The following NBEA variants were observed in gnomAD, a reference collection of about 807,000 sequenced individuals.
The protein encoded by NBEA is neurobeachin.
Under a neutral mutation model 343.4 loss-of-function variants are expected in NBEA, and 44 were observed. The ratio of observed to expected loss-of-function variants is 0.13; its 90% CI spans 0.10 to 0.16. The LOEUF (loss-of-function observed/expected upper bound fraction) is 0.16, where lower values mean the gene tolerates loss of function less well. Ranked by LOEUF, NBEA falls within the 10% of genes least tolerant of loss-of-function variation. The pLI, the probability that NBEA is intolerant of heterozygous loss-of-function variation, is 1.00. For synonymous variants in NBEA, 1,175 were observed against 1,238.7 expected, an observed-to-expected ratio of 0.95 and a Z score of 1.08; for missense variants, 2,555 against 3,631.3, an observed-to-expected ratio of 0.70 and a Z score of 7.62.
At chr13:35,147,212 T>A (rs139876282) in intron 18 of NBEA, among the ~76,000 whole-genome samples, 1 of 152,340 alleles carries the variant, frequency 6.6e-6, no homozygotes, top group Admixed American at 6.5e-5. Context: ...CATACCATAT[T>A]CTTCAGAGTC....
At chr13:35,167,015 G>T (rs1262010633) in intron 24 of NBEA, among the ~76,000 whole-genome samples, 1 of 151,934 alleles carries the variant, frequency 6.6e-6, no homozygotes, top group East Asian at 1.9e-4. Context: ...TGAAACTAAG[G>T]TTTGAGTGAG....
chr13:35,076,124 C>T (rs2064105272), intron 10 of NBEA, among the ~76,000 whole-genome samples: 1 of 151,538 alleles, frequency 6.6e-6, no homozygotes, highest in Admixed American at 6.6e-5. Context: ...AATTTAGTTT[C>T]CAAAAACATT....
chr13:34,975,417 A>C (rs773036397), intron 1 of NBEA, among the ~76,000 whole-genome samples: 14 of 152,196 alleles, frequency 9.2e-5, no homozygotes, highest in Non-Finnish European at 1.8e-4. Flanking sequence ...CATGTAGAAG[A>C]ATGAAACTGG....
chr13:35,632,309 G>A (rs1230316736), intron 49 of NBEA, among the ~76,000 whole-genome samples: 2 of 152,108 alleles, frequency 1.3e-5, no homozygotes, highest in African/African-American at 4.8e-5. Context: ...CTAACACCTT[G>A]ATGCTCAAAT....
chr13:35,306,101 A>G (rs2036875913), intron 35 of NBEA, among the ~76,000 whole-genome samples: 1 of 152,194 alleles, frequency 6.6e-6, no homozygotes, highest in Non-Finnish European at 1.5e-5. Flanking sequence ...CAGAAGATTT[A>G]CTTTCTTCCA....
chr13:35,618,159 C>T (rs1246615150), intron 48 of NBEA, among the ~76,000 whole-genome samples: 4 of 152,100 alleles, frequency 2.6e-5, no homozygotes, highest in Non-Finnish European at 5.9e-5. Context: ...ATGAAAATGT[C>T]ATATATTCCA....
intron 1 of NBEA, among the ~76,000 whole-genome samples, chr13:35,030,845 A>C (rs946387947): frequency 6.6e-6 from 1 of 151,674 alleles, no homozygotes; most frequent in Non-Finnish European, 1.5e-5. Flanking sequence ...GATACATAGA[A>C]AGGGGCAATG....
At chr13:35,522,475 C>CAAAAAAAAAAAAAAAAAAAAAAAA (rs138270833) in intron 41 of NBEA, among the ~76,000 whole-genome samples, 1 of 42,036 alleles carries the variant, frequency 2.4e-5, no homozygotes, top group Non-Finnish European at 5.5e-5. Context: ...ATACCATCTC[C>CAAAAAAAAAAAAAAAAAAAAAAAA]AAAAAAAAAA....
chr13:35,076,961 G>A (rs74051239), intron 10 of NBEA, among the ~76,000 whole-genome samples: 5,274 of 152,020 alleles, frequency 0.035, 141 homozygotes, highest in South Asian at 0.074. Flanking sequence ...TTTATAAAGA[G>A]TATTACCACA....
chr13:35,152,276 T>C (rs1415000622), intron 18 of NBEA, among the ~76,000 whole-genome samples: 1 of 152,192 alleles, frequency 6.6e-6, no homozygotes, highest in Non-Finnish European at 1.5e-5. Context: ...TTTAAGCACT[T>C]AATAATCAAA....
At chr13:35,403,189 T>C (rs922398104) in intron 38 of NBEA, among the ~76,000 whole-genome samples, 2 of 151,330 alleles carry the variant, frequency 1.3e-5, no homozygotes, top group Non-Finnish European at 3.0e-5. Flanking sequence ...AAAAAATTAA[T>C]TAAAATAAAT....
intron 18 of NBEA, among the ~76,000 whole-genome samples, chr13:35,149,272 C>T (rs1188561007): frequency 6.6e-6 from 1 of 152,008 alleles, no homozygotes; most frequent in Non-Finnish European, 1.5e-5. Flanking sequence ...TTTCTTTATT[C>T]TGATATTGTA....
chr13:35,289,493 A>G (rs570091293), intron 34 of NBEA, among the ~76,000 whole-genome samples: 1 of 152,008 alleles, frequency 6.6e-6, no homozygotes, highest in East Asian at 1.9e-4. Context: ...TCGAAAAACT[A>G]CCAATTAAGA....
intron 10 of NBEA, among the ~76,000 whole-genome samples, chr13:35,097,108 A>G (rs1172771451): frequency 6.6e-6 from 1 of 151,936 alleles, no homozygotes; most frequent in Non-Finnish European, 1.5e-5. Context: ...AATGATAATG[A>G]TAATTTTGCT....
At chr13:35,598,259 C>G (rs1593326115) in intron 47 of NBEA, among the ~76,000 whole-genome samples, 1 of 152,148 alleles carries the variant, frequency 6.6e-6, no homozygotes, top group Admixed American at 6.5e-5. Context: ...ACATAGCAGT[C>G]AATGTTCATA....
At chr13:35,360,301 AAACTG>A (rs1459168016) in intron 38 of NBEA, among the ~76,000 whole-genome samples, 1 of 152,066 alleles carries the variant, frequency 6.6e-6, no homozygotes, top group Non-Finnish European at 1.5e-5. Flanking sequence ...TCCAAGGCCC[AAACTG>A]AACTGACTTT....
intron 40 of NBEA, among the ~76,000 whole-genome samples, chr13:35,455,213 C>G (rs1279349673): frequency 1.3e-5 from 2 of 151,622 alleles, no homozygotes; most frequent in African/African-American, 4.8e-5. Flanking sequence ...TTTACAAAAC[C>G]CCGTTTTGCT....
chr13:35,374,200 A>G (rs897393610), intron 38 of NBEA, among the ~76,000 whole-genome samples: 1 of 133,954 alleles, frequency 7.5e-6, no homozygotes, highest in Admixed American at 7.0e-5. Flanking sequence ...GCCTGATTTC[A>G]GTATTTTTTG....
At chr13:35,661,550 T>C (rs1194166951) in intron 55 of NBEA, among the ~76,000 whole-genome samples, 1 of 152,194 alleles carries the variant, frequency 6.6e-6, no homozygotes, top group Non-Finnish European at 1.5e-5. Context: ...TGCATTATCT[T>C]GGGACCTTGG....
Sources: gnomAD v4.1 joint callset for allele counts (sites outside exome capture counted in the v4.1 genomes callset) on GRCh38, gnomAD v4.1.1 for gene constraint, MANE v1.5 for transcripts, NCBI Gene and HGNC (gene_info 2026-07-23, HGNC 2026-07-21) for gene names.